The following CEP63 variants were observed in gnomAD, a reference collection of about 807,000 sequenced individuals.
CEP63 encodes centrosomal protein of 63 kDa.
CEP63 carries 84 observed loss-of-function variants against 89.1 expected under a neutral mutation model. That is an observed-to-expected ratio of 0.94 (90% confidence interval 0.79 to 1.13). The LOEUF (loss-of-function observed/expected upper bound fraction) is 1.13, where lower values mean the gene tolerates loss of function less well. Ranked by LOEUF, CEP63 falls within the 50% of genes most tolerant of loss-of-function variation. The probability of loss-of-function intolerance (pLI) is 0.00; values close to 1 mark genes in which losing one functional copy is unlikely to be tolerated. For synonymous variants in CEP63, 267 were observed against 272.5 expected (o/e 0.98, Z 0.20); for missense variants, 838 against 813.3 (o/e 1.03, Z -0.37).
At chr3:134,621,283 C>T in the CEP63 span, among the ~76,000 whole-genome samples, 1 of 152,150 alleles carries the variant, frequency 6.6e-6, no homozygotes, top group Non-Finnish European at 1.5e-5. Context: ...GAAAAAAGAA[C>T]ACATTTGAAG....
At chr3:134,712,135 A>G in the CEP63 span, among the ~76,000 whole-genome samples, 15 of 152,068 alleles carry the variant, frequency 9.9e-5, no homozygotes, top group Non-Finnish European at 1.6e-4. Context: ...CTAAAACTTC[A>G]TGATCATGTG....
the CEP63 span, among the ~76,000 whole-genome samples, chr3:134,643,030 G>A: frequency 6.6e-6 from 1 of 152,328 alleles, no homozygotes; most frequent in South Asian, 2.1e-4. Context: ...AATGTTGAAT[G>A]TTGAATAGTG....
the CEP63 span, chr3:134,651,277 C>T: frequency 1.7e-6 from 2 of 1,192,808 alleles, no homozygotes; most frequent in African/African-American, 3.2e-5. Context: ...CTCCCTGCGC[C>T]CCTGCCTCCC....
chr3:134,586,690 A>G (rs1223261024), intron 10 of CEP63, among the ~76,000 whole-genome samples: 1 of 151,896 alleles, frequency 6.6e-6, no homozygotes, highest in Non-Finnish European at 1.5e-5. Flanking sequence ...CTTCTCGAGG[A>G]GTATCTCTGT....
At chr3:134,769,675 A>T in the CEP63 span, among the ~76,000 whole-genome samples, 1 of 152,224 alleles carries the variant, frequency 6.6e-6, no homozygotes, top group Non-Finnish European at 1.5e-5. Flanking sequence ...CTCTCATTGG[A>T]GTAACCCCAA....
the CEP63 span, among the ~76,000 whole-genome samples, chr3:134,753,371 G>C: frequency 2.6e-5 from 4 of 152,146 alleles, no homozygotes; most frequent in African/African-American, 9.7e-5. Flanking sequence ...ATTGACTCCT[G>C]GGCCTTCCCA....
chr3:134,726,690 C>A, the CEP63 span, among the ~76,000 whole-genome samples: 1 of 152,082 alleles, frequency 6.6e-6, no homozygotes, highest in East Asian at 1.9e-4. Flanking sequence ...CTTGGGATCC[C>A]GGCCATGGCT....
the CEP63 span, chr3:134,780,622 G>A: frequency 6.6e-6 from 1 of 152,176 alleles, no homozygotes; most frequent in East Asian, 1.9e-4. Flanking sequence ...CTATCAACGC[G>A]AGCACTTGGG....
the CEP63 span, chr3:134,607,529 G>A: frequency 7.1e-6 from 7 of 985,772 alleles, no homozygotes; most frequent in South Asian, 9.4e-5. Context: ...TTGCTGAGGT[G>A]TGGGAGGCTG....
chr3:134,628,073 G>C, the CEP63 span: 1 of 553,022 alleles, frequency 1.8e-6, no homozygotes, highest in African/African-American at 1.9e-5. Context: ...ACTGGAGTTA[G>C]TATTTGCTCT....
the CEP63 span, among the ~76,000 whole-genome samples, chr3:134,690,453 A>G: frequency 2.6e-5 from 4 of 152,210 alleles, no homozygotes; most frequent in Non-Finnish European, 5.9e-5. Context: ...GCTGCACTGC[A>G]ATAGAGTGTT....
chr3:134,634,151 T>G, the CEP63 span, among the ~76,000 whole-genome samples: 1 of 152,336 alleles, frequency 6.6e-6, no homozygotes, highest in Admixed American at 6.5e-5. Flanking sequence ...GTTTATGGAT[T>G]GGAAGACTTA....
At chr3:134,607,835 G>T in the CEP63 span, 1 of 987,912 alleles carries the variant, frequency 1.0e-6, no homozygotes, top group Non-Finnish European at 1.2e-6. Context: ...GGAAACGGCT[G>T]GGTCCCGCCT....
At chr3:134,572,652 G>T (rs867254495) in intron 11 of CEP63, among the ~76,000 whole-genome samples, 21 of 152,044 alleles carry the variant, frequency 1.4e-4, no homozygotes, top group African/African-American at 4.3e-4. Flanking sequence ...TATCTAATCC[G>T]CTATTGATGG....
At chr3:134,651,234 A>G in the CEP63 span, 4 of 1,257,052 alleles carry the variant, frequency 3.2e-6, no homozygotes, top group Non-Finnish European at 4.1e-6. Flanking sequence ...CACCGGGGCC[A>G]TAGTCAGCAG....
the CEP63 span, among the ~76,000 whole-genome samples, chr3:134,619,696 C>T: frequency 6.6e-6 from 1 of 152,368 alleles, no homozygotes; most frequent in Admixed American, 6.5e-5. Flanking sequence ...CAGCCTGTCA[C>T]TTCACTAAGG....
chr3:134,770,965 T>G, the CEP63 span, among the ~76,000 whole-genome samples: 1 of 152,226 alleles, frequency 6.6e-6, no homozygotes, highest in East Asian at 1.9e-4. Flanking sequence ...ACTTTTCTCC[T>G]GATTCCCTTA....
At chr3:134,703,381 C>A in the CEP63 span, among the ~76,000 whole-genome samples, 1 of 151,782 alleles carries the variant, frequency 6.6e-6, no homozygotes, top group Non-Finnish European at 1.5e-5. Flanking sequence ...AACCTAAGTG[C>A]CCATCAATGA....
At chr3:134,719,293 A>G in the CEP63 span, among the ~76,000 whole-genome samples, 1 of 152,112 alleles carries the variant, frequency 6.6e-6, no homozygotes, top group African/African-American at 2.4e-5. Flanking sequence ...GTGAGCCACC[A>G]TACCCAGCCC....
Sources: gnomAD v4.1 joint callset for allele counts (sites outside exome capture counted in the v4.1 genomes callset) on GRCh38, gnomAD v4.1.1 for gene constraint, MANE v1.5 for transcripts, NCBI Gene and HGNC (gene_info 2026-07-23, HGNC 2026-07-21) for gene names.